DLGAP2: variants seen among roughly 807,000 people sequenced by gnomAD.
DLGAP2 encodes the protein DLG associated protein 2, also known as disks large-associated protein 2.
DLGAP2 carries 26 observed loss-of-function variants against 100.3 expected under a neutral mutation model. That is an observed-to-expected ratio of 0.26 (90% CI 0.19 to 0.36). The LOEUF (loss-of-function observed/expected upper bound fraction) is 0.36. DLGAP2 is among the 10% of genes least tolerant of loss of function. The pLI is 1.00. For synonymous variants in DLGAP2, 886 were observed against 630.1 expected (o/e 1.41, Z -6.08); for missense variants, 1,858 against 1,453.2 (o/e 1.28, Z -4.53).
intron 2 of DLGAP2, among the ~76,000 whole-genome samples, chr8:1,005,077 T>C (rs114519816): frequency 1.2e-3 from 188 of 152,270 alleles, no homozygotes; most frequent in African/African-American, 4.3e-3. Context: ...CCACTGCCCT[T>C]GTGTCTTCCT....
Position 828,848 on chromosome 8 carries a change from C to T in DLGAP2, c.19-79064C>T, listed in dbSNP as rs553619728. Among the ~76,000 whole-genome samples, 118 of 152,344 alleles carry T rather than the reference C, an allele frequency of 7.7e-4. 1 individual carries two copies. The highest frequency in any genetic ancestry group is 2.8e-3 in the African/African-American group (117 of 41,582). On this transcript the variant is annotated intron_variant, in intron 1 of 14. Transcript: ENST00000637795. Reference sequence around the variant, plus strand: ...TTCTTCTGCCATGGCTTCAGCCGGTCCCTCCGTTTGGGGTCCCTGACTTCC... The same window carrying T: ...TTCTTCTGCCATGGCTTCAGCCGGTTCCTCCGTTTGGGGTCCCTGACTTCC...
At chr8:1,505,089 A>G (rs1364463611) in intron 4 of DLGAP2, among the ~76,000 whole-genome samples, 2 of 152,226 alleles carry the variant, frequency 1.3e-5, no homozygotes, top group East Asian at 3.8e-4. Flanking sequence ...TTGGGAGCAA[A>G]TAGCATTATT....
At chr8:1,209,710 A>G (rs1315914444) in intron 2 of DLGAP2, among the ~76,000 whole-genome samples, 4 of 152,212 alleles carry the variant, frequency 2.6e-5, no homozygotes, top group Non-Finnish European at 4.4e-5. Context: ...AGTAATTTTT[A>G]TAATCAAAGG....
At chr8:1,493,314 C>T (rs996376165) in intron 3 of DLGAP2, among the ~76,000 whole-genome samples, 4 of 151,998 alleles carry the variant, frequency 2.6e-5, no homozygotes, top group Non-Finnish European at 4.4e-5. Flanking sequence ...CTGCCTCCAT[C>T]TCCGTGGCTT....
At chr8:820,898 A>C (rs1384052567) in intron 1 of DLGAP2, among the ~76,000 whole-genome samples, 1 of 152,158 alleles carries the variant, frequency 6.6e-6, no homozygotes, top group Non-Finnish European at 1.5e-5. Flanking sequence ...CGATATGGAG[A>C]AATGTTAATA....
At chr8:1,289,509 G>C (rs559569994) in intron 3 of DLGAP2, among the ~76,000 whole-genome samples, 1 of 152,314 alleles carries the variant, frequency 6.6e-6, no homozygotes, top group South Asian at 2.1e-4. Context: ...CACGTGCGGG[G>C]ATAGAGCTGT....
intron 1 of DLGAP2, among the ~76,000 whole-genome samples, chr8:742,452 T>C (rs1391225531): frequency 1.3e-5 from 2 of 152,200 alleles, no homozygotes; most frequent in African/African-American, 4.8e-5. Flanking sequence ...AGTTAGGCGG[T>C]ATTGAAAAAC....
At chr8:1,433,846 A>C (rs1369012409) in intron 3 of DLGAP2, among the ~76,000 whole-genome samples, 3 of 144,140 alleles carry the variant, frequency 2.1e-5, no homozygotes, top group African/African-American at 7.8e-5. Context: ...ACCTCTGCTT[A>C]TTTGTTCTAA....
At chr8:1,687,695 A>C (rs368190381) in intron 12 of DLGAP2, among the ~76,000 whole-genome samples, 2 of 152,356 alleles carry the variant, frequency 1.3e-5, no homozygotes, top group East Asian at 3.9e-4. Flanking sequence ...TAAAGAGTAT[A>C]AATTGAAGTA....
chr8:1,369,128 G>T (rs1048736927), intron 3 of DLGAP2: 1 of 152,104 alleles, frequency 6.6e-6, no homozygotes, highest in Admixed American at 6.6e-5. Context: ...GAATTCCACA[G>T]TTCTATGTTA....
chr8:1,172,676 C>T (rs190992722), intron 2 of DLGAP2, among the ~76,000 whole-genome samples: 99 of 152,202 alleles, frequency 6.5e-4, no homozygotes, highest in African/African-American at 1.4e-3. Context: ...TTGATCACAT[C>T]GGCTCCTGGG....
intron 2 of DLGAP2, among the ~76,000 whole-genome samples, chr8:1,143,411 A>C (rs1001628113): frequency 7.9e-5 from 12 of 152,108 alleles, no homozygotes; most frequent in African/African-American, 2.7e-4. Context: ...TCTCTATCAA[A>C]CTTTCAGTTT....
intron 3 of DLGAP2, among the ~76,000 whole-genome samples, chr8:1,413,910 A>T (rs201053166): frequency 7.6e-4 from 115 of 150,442 alleles, no homozygotes; most frequent in African/African-American, 2.5e-3. Flanking sequence ...CTTGTTTATC[A>T]TTTTTTTTTT....
intron 1 of DLGAP2, among the ~76,000 whole-genome samples, chr8:892,522 T>C (rs1798057052): frequency 6.6e-6 from 1 of 151,368 alleles, no homozygotes. Flanking sequence ...GAAAGTAGAA[T>C]GGGGGGTGCC....
At chr8:1,028,843 T>C (rs1452907863) in intron 2 of DLGAP2, among the ~76,000 whole-genome samples, 3 of 152,130 alleles carry the variant, frequency 2.0e-5, no homozygotes, top group Non-Finnish European at 4.4e-5. Context: ...GGCTGCAGCA[T>C]GGAGATGGCT....
chr8:1,219,498 T>C (rs1798275991), intron 2 of DLGAP2, among the ~76,000 whole-genome samples: 2 of 152,186 alleles, frequency 1.3e-5, no homozygotes, highest in South Asian at 4.1e-4. Flanking sequence ...CATCTTAATG[T>C]GCTGCTGGAT....
At chr8:1,654,461 A>G (rs1012262141) in intron 8 of DLGAP2, among the ~76,000 whole-genome samples, 1 of 152,050 alleles carries the variant, frequency 6.6e-6, no homozygotes, top group Admixed American at 6.5e-5. Flanking sequence ...TGGGAGTTCG[A>G]GACCACCCTG....
At chr8:1,161,346 T>G (rs1366355160) in intron 2 of DLGAP2, among the ~76,000 whole-genome samples, 1 of 152,112 alleles carries the variant, frequency 6.6e-6, no homozygotes, top group Admixed American at 6.5e-5. Context: ...AAGGCGGGCT[T>G]AACGTTTTAC....
intron 3 of DLGAP2, among the ~76,000 whole-genome samples, chr8:1,305,154 C>A (rs561802974): frequency 2.6e-5 from 4 of 152,286 alleles, no homozygotes; most frequent in African/African-American, 9.6e-5. Flanking sequence ...TGTCACTTCC[C>A]ATTCAGTGAC....
Sources: allele counts gnomAD v4.1 joint callset (sites outside exome capture counted in the v4.1 genomes callset), GRCh38; gene constraint gnomAD v4.1.1; transcripts MANE v1.5; gene names NCBI Gene and HGNC (gene_info 2026-07-23, HGNC 2026-07-21).